Variants in EYS observed in about 807,000 individuals in gnomAD.
EYS encodes protein eyes shut homolog.
A neutral mutation model predicts 282.1 loss-of-function variants in EYS; 250 were observed. The ratio of observed to expected loss-of-function variants is 0.89; its 90% CI spans 0.80 to 0.98. The LOEUF (loss-of-function observed/expected upper bound fraction) is 0.98, where lower values mean the gene tolerates loss of function less well. Among genes scored for constraint, EYS ranks in the 50% least tolerant of loss-of-function variants. The pLI is 0.00. For synonymous variants in EYS, 1,355 were observed against 1,282.9 expected, an observed-to-expected ratio of 1.06 and a Z score of -1.20; for missense variants, 4,016 against 3,709.0, an observed-to-expected ratio of 1.08 and a Z score of -2.15.
chr6:63,840,695 A>T (rs1044277457), intron 36 of EYS, among the ~76,000 whole-genome samples: 1 of 152,038 alleles, frequency 6.6e-6, no homozygotes, highest in Non-Finnish European at 1.5e-5. Context: ...TCTTTAATTC[A>T]TTTTTAGTTG....
chr6:65,105,261 T>C (rs1439589621), intron 12 of EYS, among the ~76,000 whole-genome samples: 4 of 151,560 alleles, frequency 2.6e-5, no homozygotes, highest in African/African-American at 4.8e-5. Flanking sequence ...TTGCCTCTAC[T>C]GAAACAATTT....
chr6:65,057,652 G>A lies in EYS; in HGVS notation c.2099C>T (p.Pro700Leu). The A allele has an allele frequency of 1.3e-6, 2 of 1,550,814 alleles. No individual in the cohort carries two copies. The highest frequency in any genetic ancestry group is 1.7e-6 in the Non-Finnish European group (2 of 1,146,350). ...CACACACTGGCAGAAGTAATTACCA[G>A]GTTGGTCAATGCAGGTGGCTCCATT... ...CKNGATCIDQPGNYFCQCVPP... is the reference protein window; with the variant it reads ...CKNGATCIDQLGNYFCQCVPP... The change falls in exon 13 of 43, where the codon CCT (proline) becomes CTT (leucine). Residue 700 changes from proline (P) to leucine (L), a missense_variant. Pro to Leu is a moderately conservative substitution (Grantham distance 98). Coordinates refer to ENST00000503581, the MANE Select transcript of EYS (RefSeq NM_001142800.2).
chr6:64,662,505 C>A (rs1011421124), intron 22 of EYS, among the ~76,000 whole-genome samples: 1 of 152,126 alleles, frequency 6.6e-6, no homozygotes, highest in East Asian at 1.9e-4. Context: ...TTTATTGTCC[C>A]GTGGGACAGC....
At chr6:64,311,860 A>T (rs1769719943) in intron 29 of EYS, among the ~76,000 whole-genome samples, 1 of 152,122 alleles carries the variant, frequency 6.6e-6, no homozygotes, top group African/African-American at 2.4e-5. Context: ...TGCTTTTCCC[A>T]CAGTCTTCAC....
chr6:63,762,475 A>G lies in EYS; in HGVS notation c.8057T>C (p.Ile2686Thr). 6.5e-7 allele frequency: 1 copy of G among 1,550,106 alleles called. No individual in the cohort carries two copies. The highest frequency in any genetic ancestry group is 8.7e-7 in the Non-Finnish European group (1 of 1,145,852). ...TCFCPLGTTGIYCEQALSISD... is the reference protein window; with the variant it reads ...TCFCPLGTTGTYCEQALSISD... ...TTCTGCCTCACCTTGTTCACAGTAG[A>G]TTCCAGTGGTTCCTAGAGGACAGAA... The change falls in exon 41 of 43, where the codon ATC (isoleucine) becomes ACC (threonine). Residue 2686 changes from isoleucine to threonine, a missense_variant. Coordinates refer to ENST00000503581, the MANE Select transcript of EYS (RefSeq NM_001142800.2).
intron 12 of EYS, among the ~76,000 whole-genome samples, chr6:65,167,351 A>T (rs1371005309): frequency 6.6e-6 from 1 of 151,316 alleles, no homozygotes; most frequent in Non-Finnish European, 1.5e-5. Context: ...CTACAACATT[A>T]ATTAACCTTG....
chr6:64,470,047 C>T (rs1776071991), intron 26 of EYS, among the ~76,000 whole-genome samples: 1 of 152,174 alleles, frequency 6.6e-6, no homozygotes, highest in African/African-American at 2.4e-5. Context: ...GTGACCTTAC[C>T]TATCACTGGA....
At chr6:65,065,069 G>T (rs554496531) in intron 12 of EYS, among the ~76,000 whole-genome samples, 1 of 152,094 alleles carries the variant, frequency 6.6e-6, no homozygotes, top group African/African-American at 2.4e-5. Flanking sequence ...AAACCCCTAG[G>T]CCTCTTTCTT....
intron 35 of EYS, among the ~76,000 whole-genome samples, chr6:63,962,810 G>A (rs11968914): frequency 6.6e-6 from 1 of 152,066 alleles, no homozygotes; most frequent in Non-Finnish European, 1.5e-5. Flanking sequence ...ACATGCGCAC[G>A]TATGTTTATT....
Position 64,915,778 on chromosome 6 carries a change from T to A in EYS, c.2382-3035A>T, listed in dbSNP as rs16896022. ...ATACTTTCAATAAAGCTTTGAAATA[T>A]GTAGAAGAGATATTCTTTTTCTCAC... On this transcript the variant is annotated intron_variant, in intron 15 of 42. Transcript: ENST00000503581. Among the ~76,000 whole-genome samples the A allele has an allele frequency of 5.6e-3, 857 of 152,296 alleles. 5 individuals carry two copies. The highest frequency in any genetic ancestry group is 7.5e-3 in the Non-Finnish European group (512 of 68,000).
intron 22 of EYS, among the ~76,000 whole-genome samples, chr6:64,769,861 G>C (rs1183184167): frequency 6.6e-6 from 1 of 151,882 alleles, no homozygotes; most frequent in Non-Finnish European, 1.5e-5. Flanking sequence ...GGAACTAAAA[G>C]TATTAAAGAA....
Position 64,591,905 on chromosome 6 carries a change from C to T in EYS, c.3962G>A (p.Ser1321Asn). The change falls in exon 26 of 43, where the codon AGC (serine) becomes AAC (asparagine). Residue 1321 changes from serine (S) to asparagine (N), a missense_variant. Ser to Asn is a conservative substitution (Grantham distance 46). Coordinates refer to ENST00000503581, the MANE Select transcript of EYS (RefSeq NM_001142800.2). ...ATLRISTPLE[S>N]YLLQELIVTR... The stretch of plus-strand genomic sequence containing the variant: ...GACAATCAGTTCTTGGAGTAAGTAG[C>T]TTTCCAAGGGTGTGCTAATTCTTAA... 1 of 1,550,236 alleles carries T rather than the reference C, an allele frequency of 6.5e-7. No individual in the cohort carries two copies. Among genetic ancestry groups the T allele is most frequent in the Non-Finnish European group, 8.7e-7 (1 of 1,146,072 alleles).
chr6:64,657,113 C>T (rs1459764821), intron 22 of EYS, among the ~76,000 whole-genome samples: 8 of 152,124 alleles, frequency 5.3e-5, no homozygotes, highest in Non-Finnish European at 1.5e-5. Flanking sequence ...ATGTAATGGC[C>T]TTCTTTGTCT....
intron 30 of EYS, among the ~76,000 whole-genome samples, chr6:64,243,025 ATAAT>A (rs1377443153): frequency 6.8e-6 from 1 of 147,304 alleles, no homozygotes; most frequent in African/African-American, 2.5e-5. Context: ...TTTATTAAGT[ATAAT>A]AAATATAAAA....
chr6:65,231,115 T>TTATATATATATACTTTTATATATATG (rs1766766552), intron 12 of EYS, among the ~76,000 whole-genome samples: 3 of 142,850 alleles, frequency 2.1e-5, no homozygotes, highest in Non-Finnish European at 4.6e-5. Context: ...ATATATGTAT[T>TTATATATATATACTTTTATATATATG]TATATATATA....
chr6:64,426,951 A>T (rs986383384), intron 28 of EYS, among the ~76,000 whole-genome samples: 2 of 152,120 alleles, frequency 1.3e-5, no homozygotes, highest in African/African-American at 4.8e-5. Context: ...ATATTATTGC[A>T]TTGTTTCAAA....
Position 63,983,116 on chromosome 6 carries a change from C to A in EYS, c.7055+1267G>T, listed in dbSNP as rs114315311. ...AAAGTGATGATAGTCAAGGAGATAACGTTCACTCTTAGCCCCCAGATTTAC... is the reference window on the plus strand; with the variant it reads ...AAAGTGATGATAGTCAAGGAGATAAAGTTCACTCTTAGCCCCCAGATTTAC... On this transcript the variant is annotated intron_variant, in intron 35 of 42. Transcript: ENST00000503581. Among the ~76,000 whole-genome samples the A allele has an allele frequency of 2.0e-5, 3 of 151,852 alleles. No individual in the cohort carries two copies. In the East Asian group the frequency reaches 5.9e-4, roughly 30 times the overall value.
chr6:65,331,358 T>G, intron 11 of EYS: 9 of 740,082 alleles, frequency 1.2e-5, no homozygotes, highest in African/African-American at 1.9e-5. Context: ...GTCTTTTTAA[T>G]GGAGAATTAG....
intron 35 of EYS, among the ~76,000 whole-genome samples, chr6:63,958,935 A>G (rs893278667): frequency 1.3e-5 from 2 of 152,202 alleles, no homozygotes; most frequent in Non-Finnish European, 2.9e-5. Context: ...GAGTTCTGAT[A>G]GATGAATACA....
Sources: gnomAD v4.1 joint callset for allele counts (sites outside exome capture counted in the v4.1 genomes callset) on GRCh38, gnomAD v4.1.1 for gene constraint, MANE v1.5 for transcripts, NCBI Gene and HGNC (gene_info 2026-07-23, HGNC 2026-07-21) for gene names.